Variants in PID1 observed in about 807,000 individuals in gnomAD.
The protein encoded by PID1 is PTB-containing, cubilin and LRP1-interacting protein.
Under a neutral mutation model 19.1 loss-of-function variants are expected in PID1, and 10 were observed. The observed-to-expected ratio is 0.52, with a 90% confidence interval of 0.32 to 0.89. PID1 has a LOEUF of 0.89. Among genes scored for constraint, PID1 ranks in the 40% least tolerant of loss-of-function variants. The pLI, the probability that PID1 is intolerant of heterozygous loss-of-function variation, is 0.03. For synonymous variants in PID1, 130 were observed against 116.0 expected, an observed-to-expected ratio of 1.12 and a Z score of -0.78; for missense variants, 248 against 285.3, an observed-to-expected ratio of 0.87 and a Z score of 0.94.
intron 2 of PID1, among the ~76,000 whole-genome samples, chr2:229,110,025 A>G (rs1013875860): frequency 1.3e-5 from 2 of 152,206 alleles, no homozygotes; most frequent in Non-Finnish European, 2.9e-5. Context: ...AAGGAGCTTT[A>G]AGACTGCTGC....
At chr2:229,079,273 G>T (rs1694624214) in intron 2 of PID1, among the ~76,000 whole-genome samples, 1 of 152,180 alleles carries the variant, frequency 6.6e-6, no homozygotes, top group Admixed American at 6.5e-5. Flanking sequence ...TATTTGCCAT[G>T]ACTGCTATAT....
intron 2 of PID1, among the ~76,000 whole-genome samples, chr2:229,153,437 G>C (rs1439626933): frequency 6.6e-6 from 1 of 152,146 alleles, no homozygotes; most frequent in African/African-American, 2.4e-5. Flanking sequence ...ACTTTATATA[G>C]CCCGGTGGAA....
chr2:229,046,381 C>CGCGT lies in PID1; in HGVS notation c.178-20274_178-20273insACGC, dbSNP rs1458231315. 3.2e-3 allele frequency among the ~76,000 whole-genome samples: 289 copies of CGCGT among 91,454 alleles called. 2 individuals carry two copies. Among genetic ancestry groups the CGCGT allele is most frequent in the African/African-American group, 0.014 (271 of 20,048 alleles). The allele number at this position is 91,454 out of a possible 152,430, so 60.0% of individuals were successfully genotyped here. A position where few individuals can be genotyped will look rare whatever the true frequency, so the allele number is the denominator to read the frequency against. The stretch of plus-strand genomic sequence containing the variant: ...GTGTGTGTGTGTGTGTGTGTGTGTG[C>CGCGT]GTGTGTGTGTGTGTGTGAGTCAGGA... On this transcript the variant is annotated intron_variant, in intron 2 of 2. Coordinates refer to ENST00000392055, the MANE Select transcript of PID1 (RefSeq NM_001100818.2).
At chr2:229,151,213 C>G (rs902722869) in intron 2 of PID1, among the ~76,000 whole-genome samples, 1 of 152,146 alleles carries the variant, frequency 6.6e-6, no homozygotes, top group Non-Finnish European at 1.5e-5. Context: ...TCACATGACA[C>G]AACTGCCCCA....
chr2:229,150,356 AC>A (rs1359955733), intron 2 of PID1, among the ~76,000 whole-genome samples: 2 of 151,882 alleles, frequency 1.3e-5, no homozygotes, highest in Non-Finnish European at 2.9e-5. Flanking sequence ...AGGAGAAGCA[AC>A]CCCCTGAAGC....
chr2:229,123,816 G>A (rs1371936809), intron 2 of PID1, among the ~76,000 whole-genome samples: 1 of 152,002 alleles, frequency 6.6e-6, no homozygotes, highest in Non-Finnish European at 1.5e-5. Flanking sequence ...ATATGTTCTT[G>A]GGCAAAATGT....
chr2:229,152,356 T>C (rs1690274836), intron 2 of PID1, among the ~76,000 whole-genome samples: 1 of 152,172 alleles, frequency 6.6e-6, no homozygotes, highest in African/African-American at 2.4e-5. Context: ...TGTGATTTAT[T>C]TATTTGGGCA....
chr2:229,054,713 TGTGTGTGG>T (rs562134865), intron 2 of PID1, among the ~76,000 whole-genome samples: 15,834 of 42,914 alleles, frequency 0.37, 1,592 homozygotes, highest in East Asian at 0.5. Context: ...AGTGTGTGTG[TGTGTGTGG>T]GGGGGGGGGG....
At chr2:229,146,475 C>T (rs1262851674) in intron 2 of PID1, among the ~76,000 whole-genome samples, 1 of 151,862 alleles carries the variant, frequency 6.6e-6, no homozygotes, top group African/African-American at 2.4e-5. Flanking sequence ...GCACATGTAT[C>T]CCAGAACTTA....
chr2:229,222,572 G>A (rs1030342095), intron 1 of PID1, among the ~76,000 whole-genome samples: 13 of 152,126 alleles, frequency 8.5e-5, no homozygotes, highest in Non-Finnish European at 1.6e-4. Flanking sequence ...CTATGAGGGT[G>A]CTTCTAGATG....
intron 1 of PID1, among the ~76,000 whole-genome samples, chr2:229,222,139 A>C (rs933905731): frequency 6.6e-6 from 1 of 152,224 alleles, no homozygotes; most frequent in African/African-American, 2.4e-5. Flanking sequence ...CAAACTCTTT[A>C]GGATGGCATC....
chr2:229,091,073 TTATCTA>T (rs1433592022), intron 2 of PID1, among the ~76,000 whole-genome samples: 4 of 152,196 alleles, frequency 2.6e-5, no homozygotes, highest in Non-Finnish European at 5.9e-5. Flanking sequence ...CTTTTAAACT[TTATCTA>T]TAAGTAATTA....
intron 2 of PID1, among the ~76,000 whole-genome samples, chr2:229,132,359 C>T (rs6745202): frequency 0.53 from 79,875 of 151,902 alleles, 21,788 homozygotes; most frequent in Admixed American, 0.63. Context: ...AGAAAACAGT[C>T]GACATTATAA....
At chr2:229,082,631 TGCA>T (rs1252034102) in intron 2 of PID1, among the ~76,000 whole-genome samples, 14 of 152,306 alleles carry the variant, frequency 9.2e-5, no homozygotes, top group Non-Finnish European at 2.1e-4. Flanking sequence ...TGAAAAGGGA[TGCA>T]GCTGGCCTTT....
chr2:229,093,157 G>C (rs1251927181), intron 2 of PID1, among the ~76,000 whole-genome samples: 1 of 145,236 alleles, frequency 6.9e-6, no homozygotes, highest in Admixed American at 7.1e-5. Context: ...TTTTGAGATG[G>C]AGTCTCGCTC....
At chr2:229,079,023 T>G (rs1247697303) in intron 2 of PID1, among the ~76,000 whole-genome samples, 1 of 152,238 alleles carries the variant, frequency 6.6e-6, no homozygotes, top group Non-Finnish European at 1.5e-5. Flanking sequence ...AGTAGAACTG[T>G]ATGTAATATC....
chr2:229,107,323 T>G (rs74806474), intron 2 of PID1, among the ~76,000 whole-genome samples: 2,302 of 152,180 alleles, frequency 0.015, 27 homozygotes, highest in South Asian at 0.036. Flanking sequence ...ACAGGGGTTT[T>G]GGGGAACCAG....
chr2:229,047,840 A>G (rs2106180960), intron 2 of PID1, among the ~76,000 whole-genome samples: 1 of 152,328 alleles, frequency 6.6e-6, no homozygotes, highest in Middle Eastern at 3.4e-3. Flanking sequence ...TCTCCCTCTG[A>G]GCCCAAGAGC....
intron 2 of PID1, among the ~76,000 whole-genome samples, chr2:229,139,039 GA>G (rs1689930976): frequency 2.1e-5 from 1 of 48,362 alleles, no homozygotes; most frequent in Non-Finnish European, 4.6e-5. Flanking sequence ...AAGAAAGAAA[GA>G]GAAAGAAAGA....
Sources: gnomAD v4.1 joint callset for allele counts (sites outside exome capture counted in the v4.1 genomes callset) on GRCh38, gnomAD v4.1.1 for gene constraint, MANE v1.5 for transcripts, NCBI Gene and HGNC (gene_info 2026-07-23, HGNC 2026-07-21) for gene names.